Variants in MMUT observed in about 807,000 individuals in gnomAD.
MMUT encodes methylmalonyl-CoA mutase.
MMUT carries 79 observed loss-of-function variants against 79.9 expected under a neutral mutation model. The observed-to-expected ratio is 0.99, with a 90% CI of 0.82 to 1.19. The LOEUF (loss-of-function observed/expected upper bound fraction) is 1.19. Among genes scored for constraint, MMUT ranks in the 50% most tolerant of loss-of-function variants. MMUT has a pLI of 0.00. For missense variants in MMUT, 860 were observed against 917.2 expected (o/e 0.94, Z 0.81); for synonymous variants, 273 against 295.7 (o/e 0.92, Z 0.79).
intron 1 of MMUT, among the ~76,000 whole-genome samples, chr6:49,460,656 T>C (rs1326125579): frequency 6.6e-6 from 1 of 152,220 alleles, no homozygotes; most frequent in Admixed American, 6.5e-5. Context: ...CGTAAACATA[T>C]AGAGCCCATT....
chr6:49,446,888 C>G (rs953529063), intron 8 of MMUT, among the ~76,000 whole-genome samples: 1 of 151,562 alleles, frequency 6.6e-6, no homozygotes, highest in South Asian at 2.1e-4. Flanking sequence ...AAAAGCCATA[C>G]ATTAAACAAT....
chr6:49,451,909 T>C lies in MMUT; in HGVS notation c.1084-195A>G, dbSNP rs12190697. ...AGAAGAGTCAGAGTTCAGTGTTTAG[T>C]GCCTCTTATAATCCTCTGAAATATC... On this transcript the variant is annotated intron_variant, in intron 5 of 12. Coordinates refer to ENST00000274813, the MANE Select transcript of MMUT (RefSeq NM_000255.4). Among the ~76,000 whole-genome samples the C allele has an allele frequency of 0.1, 15,502 of 152,300 alleles. 797 individuals are homozygous for C. The highest frequency in any genetic ancestry group is 0.11 in the Non-Finnish European group (7,398 of 68,008).
intron 12 of MMUT, among the ~76,000 whole-genome samples, chr6:49,432,486 C>G (rs1767005258): frequency 6.6e-6 from 1 of 152,100 alleles, no homozygotes; most frequent in Admixed American, 6.5e-5. Context: ...CTCCCGGGTT[C>G]ACGCCATTCT....
At chr6:49,436,604 CAAAAAAAA>C (rs35151510) in intron 11 of MMUT, among the ~76,000 whole-genome samples, 1 of 110,964 alleles carries the variant, frequency 9.0e-6, no homozygotes, top group African/African-American at 3.5e-5. Context: ...GACTCTGTTT[CAAAAAAAA>C]AAAAAAAAAT....
intron 5 of MMUT, among the ~76,000 whole-genome samples, chr6:49,452,625 T>C (rs1049858673): frequency 2.6e-5 from 4 of 152,176 alleles, no homozygotes; most frequent in African/African-American, 7.2e-5. Context: ...TGAGCCACTG[T>C]GCCAGGTCTA....
intron 4 of MMUT, among the ~76,000 whole-genome samples, chr6:49,454,159 G>A (rs1310416952): frequency 6.6e-6 from 1 of 152,162 alleles, no homozygotes; most frequent in African/African-American, 2.4e-5. Context: ...TTTTGTAAAA[G>A]AATGATTGTG....
chr6:49,431,832 C>G lies in MMUT; in HGVS notation c.2149G>C (p.Gly717Arg), dbSNP rs760079537. The G allele has an allele frequency of 6.2e-7, 1 of 1,613,576 alleles. No homozygotes were observed. The highest frequency in any genetic ancestry group is 1.1e-5 in the South Asian group (1 of 91,070). ...PQDYEFLFEVGVSNVFGPGTR... is the reference protein window; with the variant it reads ...PQDYEFLFEVRVSNVFGPGTR... ...CCAGGACCAAATACATTGGAAACAC[C>G]AACTTCAAACAGAAATTCATAATCC... Residue 717 changes from glycine to arginine, a missense_variant, in exon 13 of 13, where the codon GGT becomes CGT. By Grantham distance (125) the Gly-to-Arg change is moderately radical (BLOSUM62 -2). Coordinates refer to ENST00000274813, the MANE Select transcript of MMUT (RefSeq NM_000255.4).
At chr6:49,461,667 G>T (rs1767846583) in intron 1 of MMUT, among the ~76,000 whole-genome samples, 1 of 152,136 alleles carries the variant, frequency 6.6e-6, no homozygotes, top group Non-Finnish European at 1.5e-5. Flanking sequence ...TACTCAGGAG[G>T]CTGAGGCATG....
At chr6:49,440,985 T>C (rs1225350512) in intron 10 of MMUT, among the ~76,000 whole-genome samples, 1 of 152,204 alleles carries the variant, frequency 6.6e-6, no homozygotes, top group Non-Finnish European at 1.5e-5. Flanking sequence ...TCATGCTATA[T>C]AAATCAAAAT....
intron 10 of MMUT, 94 bp from the exon 11 acceptor site, chr6:49,440,447 T>G (rs938214569): frequency 1.5e-6 from 2 of 1,345,870 alleles, no homozygotes; most frequent in African/African-American, 3.0e-5. Context: ...TCTTTCAAGT[T>G]TATTTAAAAG....
chr6:49,433,357 A>G (rs1767036473), intron 12 of MMUT, among the ~76,000 whole-genome samples: 1 of 152,244 alleles, frequency 6.6e-6, no homozygotes. Context: ...CAACTGAAAA[A>G]AGGGTATGTG....
At chr6:49,436,144 T>C (rs1251851947) in intron 11 of MMUT, among the ~76,000 whole-genome samples, 2 of 152,158 alleles carry the variant, frequency 1.3e-5, no homozygotes, top group Non-Finnish European at 2.9e-5. Flanking sequence ...AGCAAGGTTG[T>C]GGAGAAAATG....
chr6:49,452,960 C>T (rs1032612932), intron 5 of MMUT, among the ~76,000 whole-genome samples: 11 of 151,018 alleles, frequency 7.3e-5, no homozygotes, highest in African/African-American at 2.7e-4. Context: ...AGAATTATAA[C>T]TCTTACAATT....
At chr6:49,454,700 ATTTC>A (rs1472246152) in intron 4 of MMUT, among the ~76,000 whole-genome samples, 2 of 152,236 alleles carry the variant, frequency 1.3e-5, no homozygotes, top group African/African-American at 4.8e-5. Flanking sequence ...CAAAGAATTT[ATTTC>A]TTTATTTGTA....
At chr6:49,448,640 G>A (rs1298604961) in intron 7 of MMUT, among the ~76,000 whole-genome samples, 176 bp downstream of exon 7, 3 of 152,068 alleles carry the variant, frequency 2.0e-5, no homozygotes, top group Non-Finnish European at 4.4e-5. Context: ...GCTTGCCTGT[G>A]TGCATCCATG....
At chr6:49,452,150 C>T (rs966889084) in intron 5 of MMUT, among the ~76,000 whole-genome samples, 6 of 152,194 alleles carry the variant, frequency 3.9e-5, no homozygotes, top group Admixed American at 2.0e-4. Context: ...ACTGAGATAT[C>T]AGAAATTTGA....
At chr6:49,450,440 ACCATGTAGGAAAAAATACACCAAGTT>A (rs1441090551) in intron 6 of MMUT, among the ~76,000 whole-genome samples, 2 of 152,056 alleles carry the variant, frequency 1.3e-5, no homozygotes, top group African/African-American at 4.8e-5. Flanking sequence ...AAGGTTCAGT[ACCATGTAGGAAAAAATACACCAAGTT>A]ATACATCAAT....
At position 49,459,175 on chromosome 6, in the gene MMUT, T is replaced by C. The variant is rs754740382; in HGVS notation, c.292A>G (p.Thr98Ala). The stretch of plus-strand genomic sequence containing the variant: ...GTCCAGGGCCTAAAGGTATACATGG[T>C]AGGATATGGTCCACGTGTGAATGGC... ...VKPFTRGPYPTMYTFRPWTIR... is the reference protein window; with the variant it reads ...VKPFTRGPYPAMYTFRPWTIR... The change falls in exon 2 of 13, where the codon ACC (threonine) becomes GCC (alanine). Residue 98 changes from threonine (T) to alanine (A), a missense_variant. Physicochemically the swap from Thr to Ala is moderately conservative, Grantham distance 58. Transcript: ENST00000274813. 2 of 1,614,146 alleles carry C rather than the reference T, an allele frequency of 1.2e-6. No homozygotes were observed. Among genetic ancestry groups the C allele is most frequent in the Admixed American group, 3.3e-5 (2 of 60,016 alleles).
At chr6:49,455,715 T>A (rs1336759901) in intron 4 of MMUT, among the ~76,000 whole-genome samples, 2 of 152,292 alleles carry the variant, frequency 1.3e-5, no homozygotes, top group East Asian at 1.9e-4. Context: ...AAACATTACA[T>A]TAGATAGTGC....
Sources: gnomAD v4.1 joint callset for allele counts (sites outside exome capture counted in the v4.1 genomes callset) on GRCh38, gnomAD v4.1.1 for gene constraint, MANE v1.5 for transcripts, NCBI Gene and HGNC (gene_info 2026-07-23, HGNC 2026-07-21) for gene names.